Variants in NRXN1 observed in about 807,000 individuals in gnomAD.
NRXN1 encodes the protein neurexin 1.
In NRXN1, 39 loss-of-function variants were observed where a neutral mutation model predicts 150.9. That is an observed-to-expected ratio of 0.26 (90% CI 0.20 to 0.34). The LOEUF is 0.34. Among genes scored for constraint, NRXN1 ranks in the 10% least tolerant of loss-of-function variants. The probability of loss-of-function intolerance (pLI) is 1.00; values close to 1 mark genes in which losing one functional copy is unlikely to be tolerated. For synonymous variants in NRXN1, 924 were observed against 757.0 expected, an observed-to-expected ratio of 1.22 and a Z score of -3.62; for missense variants, 1,815 against 1,949.9, an observed-to-expected ratio of 0.93 and a Z score of 1.30.
chr2:50,483,193 C>G (rs2090608379), intron 15 of NRXN1, among the ~76,000 whole-genome samples: 3 of 151,904 alleles, frequency 2.0e-5, no homozygotes, highest in South Asian at 2.1e-4. Context: ...AGTGCCATGA[C>G]AGTTTACAAA....
At position 50,824,340 on chromosome 2, in the gene NRXN1, C is replaced by T. The variant is rs528504027; in HGVS notation, c.832+97529G>A. ...TGTGTGTGTGTGAAAAATAGATACACAAAAATATCAAATGTGGCTATTTAT... is the reference window on the plus strand; with the variant it reads ...TGTGTGTGTGTGAAAAATAGATACATAAAAATATCAAATGTGGCTATTTAT... On this transcript the variant is annotated intron_variant, in intron 5 of 22. Transcript: ENST00000401669. Among the ~76,000 whole-genome samples the T allele has an allele frequency of 4.6e-4, 70 of 151,600 alleles. 2 individuals are homozygous for T. The highest frequency in any genetic ancestry group is 1.6e-3 in the African/African-American group (68 of 41,354).
intron 12 of NRXN1, among the ~76,000 whole-genome samples, chr2:50,512,505 G>T (rs930219931): frequency 6.6e-6 from 1 of 152,150 alleles, no homozygotes; most frequent in Non-Finnish European, 1.5e-5. Flanking sequence ...ACTACTAAGT[G>T]AATGTATTTA....
chr2:50,575,179 T>C (rs1372453712), intron 8 of NRXN1, among the ~76,000 whole-genome samples: 1 of 152,210 alleles, frequency 6.6e-6, no homozygotes, highest in Non-Finnish European at 1.5e-5. Context: ...TGCTTGATCT[T>C]TGGTATTCAG....
At chr2:50,840,520 A>C (rs181571780) in intron 5 of NRXN1, among the ~76,000 whole-genome samples, 36 of 152,228 alleles carry the variant, frequency 2.4e-4, no homozygotes, top group African/African-American at 8.7e-4. Context: ...TGAGGGCCTC[A>C]AGGAAAAACA....
At chr2:50,382,157 G>A (rs2081018651) in intron 17 of NRXN1, among the ~76,000 whole-genome samples, 1 of 152,104 alleles carries the variant, frequency 6.6e-6, no homozygotes, top group South Asian at 2.1e-4. Context: ...AAGGAATGAA[G>A]ACCTTACAAG....
At chr2:50,522,719 C>CCTTTT (rs1323306682) in intron 12 of NRXN1, among the ~76,000 whole-genome samples, 1,178 of 86,536 alleles carry the variant, frequency 0.014, 408 homozygotes, top group African/African-American at 0.05. Context: ...TATTTTTATT[C>CCTTTT]ATTTTTTTTT....
chr2:50,645,789 C>A (rs984282146), intron 5 of NRXN1, among the ~76,000 whole-genome samples: 1 of 151,898 alleles, frequency 6.6e-6, no homozygotes, highest in African/African-American at 2.4e-5. Flanking sequence ...AAAAATCCAG[C>A]TTGATTACAG....
At chr2:50,391,349 C>T (rs981843437) in intron 17 of NRXN1, among the ~76,000 whole-genome samples, 8 of 151,666 alleles carry the variant, frequency 5.3e-5, no homozygotes, top group Non-Finnish European at 1.5e-5. Flanking sequence ...AAAAATAAAG[C>T]CTATAGAGCA....
At chr2:50,227,059 T>C (rs1414528933) in intron 18 of NRXN1, among the ~76,000 whole-genome samples, 1 of 151,880 alleles carries the variant, frequency 6.6e-6, no homozygotes, top group African/African-American at 2.4e-5. Flanking sequence ...CTGTTCAGTA[T>C]GGATGAAGAT....
chr2:50,353,862 G>C (rs963451213), intron 17 of NRXN1, among the ~76,000 whole-genome samples: 3 of 152,128 alleles, frequency 2.0e-5, no homozygotes, highest in African/African-American at 4.8e-5. Flanking sequence ...ACATACACTA[G>C]AGGGGCTAGA....
intron 5 of NRXN1, among the ~76,000 whole-genome samples, chr2:50,629,804 T>A (rs1681921876): frequency 6.6e-6 from 1 of 151,622 alleles, no homozygotes; most frequent in Admixed American, 6.6e-5. Context: ...TTTCAATGAA[T>A]ATTAATATCC....
chr2:50,649,815 T>C (rs1030701297), intron 5 of NRXN1, among the ~76,000 whole-genome samples: 1 of 151,790 alleles, frequency 6.6e-6, no homozygotes, highest in African/African-American at 2.4e-5. Flanking sequence ...TGATACAGAG[T>C]TCAATGATTA....
chr2:50,041,068 C>A (rs1690869567), intron 21 of NRXN1, among the ~76,000 whole-genome samples: 1 of 152,014 alleles, frequency 6.6e-6, no homozygotes. Context: ...TATGACAAAC[C>A]CACAGCCAAT....
intron 17 of NRXN1, among the ~76,000 whole-genome samples, chr2:50,282,519 G>A (rs1388029114): frequency 4.6e-5 from 7 of 151,982 alleles, no homozygotes; most frequent in South Asian, 4.2e-4. Flanking sequence ...TGGGTTCCAC[G>A]GGACCAACAG....
chr2:49,929,405 C>T (rs1669727183), intron 22 of NRXN1, among the ~76,000 whole-genome samples: 1 of 152,154 alleles, frequency 6.6e-6, no homozygotes. Context: ...ATGTCCACAG[C>T]TTAGTCATCT....
chr2:50,872,926 C>T (rs1678006839), intron 5 of NRXN1, among the ~76,000 whole-genome samples: 1 of 151,844 alleles, frequency 6.6e-6, no homozygotes, highest in East Asian at 2.0e-4. Context: ...CATTTGAGTT[C>T]AGGAGTAGAG....
At chr2:50,085,817 A>G (rs1698701699) in intron 19 of NRXN1, among the ~76,000 whole-genome samples, 1 of 152,130 alleles carries the variant, frequency 6.6e-6, no homozygotes, top group African/African-American at 2.4e-5. Context: ...ACATCGACTG[A>G]TACAGTTAGG....
intron 21 of NRXN1, among the ~76,000 whole-genome samples, chr2:49,984,718 A>AAC (rs149322054): frequency 0.057 from 8,336 of 146,864 alleles, 364 homozygotes; most frequent in East Asian, 0.18. Context: ...AGAACACACA[A>AAC]ACACACACAC....
chr2:50,260,521 G>A (rs2068146817), intron 17 of NRXN1, among the ~76,000 whole-genome samples: 1 of 151,338 alleles, frequency 6.6e-6, no homozygotes, highest in East Asian at 1.9e-4. Context: ...CTCCTCAGAG[G>A]GAGAAAATGC....
Sources: gnomAD v4.1 joint callset for allele counts (sites outside exome capture counted in the v4.1 genomes callset) on GRCh38, gnomAD v4.1.1 for gene constraint, MANE v1.5 for transcripts, NCBI Gene and HGNC (gene_info 2026-07-23, HGNC 2026-07-21) for gene names.